Variants in DHTKD1 observed in about 807,000 individuals in gnomAD.
DHTKD1 encodes dehydrogenase E1 and transketolase domain containing 1, also known as 2-oxoadipate dehydrogenase complex component E1.
DHTKD1 carries 78 observed loss-of-function variants against 101.8 expected under a neutral mutation model. That is an observed-to-expected ratio of 0.77 (90% CI 0.64 to 0.93). The LOEUF (loss-of-function observed/expected upper bound fraction) is 0.93, where lower values mean the gene tolerates loss of function less well. Among genes scored for constraint, DHTKD1 ranks in the 40% least tolerant of loss-of-function variants. DHTKD1 has a pLI of 0.00. For synonymous variants in DHTKD1, 462 were observed against 450.3 expected, an observed-to-expected ratio of 1.03 and a Z score of -0.33; for missense variants, 1,223 against 1,161.7, an observed-to-expected ratio of 1.05 and a Z score of -0.77.
In DHTKD1 at chr10:12,120,597, A is replaced by G. The variant is rs370228426; in HGVS notation, c.2659-190A>G. ...GTGATCCGCCCACCTCGGCCTCCCA[A>G]AGCGCTGGGATTACAGGCATTGAGG... On this transcript the variant is annotated intron_variant, in intron 16 of 16. Coordinates refer to ENST00000263035, the MANE Select transcript of DHTKD1 (RefSeq NM_018706.7). Among the ~76,000 whole-genome samples the G allele has an allele frequency of 8.6e-5, 13 of 151,938 alleles. No homozygotes were observed. The South Asian group carries it at 1.7e-3, about 19-fold the overall frequency.
At chr10:12,115,887 A>T (rs1258136378) in intron 13 of DHTKD1, among the ~76,000 whole-genome samples, 1 of 150,736 alleles carries the variant, frequency 6.6e-6, no homozygotes, top group African/African-American at 2.4e-5. Context: ...TCAGCCTCCG[A>T]CGTAGCTGGG....
At chr10:12,115,391 C>T (rs968915115) in intron 13 of DHTKD1, among the ~76,000 whole-genome samples, 1 of 152,178 alleles carries the variant, frequency 6.6e-6, no homozygotes, top group Non-Finnish European at 1.5e-5. Context: ...GCCACTATGC[C>T]TGGCCTCGTT....
intron 10 of DHTKD1, 112 bp downstream of exon 10, chr10:12,101,293 A>G: frequency 8.3e-7 from 1 of 1,209,986 alleles, no homozygotes; most frequent in South Asian, 1.6e-5. Flanking sequence ...TACTTTTGGA[A>G]GTAAAGGAGT....
rs1046346356 is a variant in DHTKD1 at position 12,101,076 on chromosome 10, T to C, written c.1791T>C (p.Gly597=). The C allele has an allele frequency of 6.2e-7, 1 of 1,614,118 alleles. No homozygotes were observed. The highest frequency in any genetic ancestry group is 8.5e-7 in the Non-Finnish European group (1 of 1,180,006). ...TTCGTCTAAGTGGCCAAGATGTTGGTCGTGGAACTTTCAGTCAGAGGCATG... is the reference window on the plus strand; with the variant it reads ...TTCGTCTAAGTGGCCAAGATGTTGGCCGTGGAACTTTCAGTCAGAGGCATG... ...FNVRLSGQDV[G]RGTFSQRHAI... Residue 597 remains glycine, a synonymous_variant, in exon 10 of 17, where the codon GGT becomes GGC. Coordinates refer to ENST00000263035, the MANE Select transcript of DHTKD1 (RefSeq NM_018706.7).
intron 6 of DHTKD1, among the ~76,000 whole-genome samples, chr10:12,093,630 TTA>T (rs1232418526): frequency 6.6e-6 from 1 of 152,196 alleles, no homozygotes; most frequent in Non-Finnish European, 1.5e-5. Flanking sequence ...TGTGAATCCT[TTA>T]TGATTAGTCT....
rs1408162330 is a variant in DHTKD1 at position 12,107,450 on chromosome 10, C to G, written c.2048-459C>G. On this transcript the variant is annotated intron_variant, in intron 11 of 16. Coordinates refer to ENST00000263035, the MANE Select transcript of DHTKD1 (RefSeq NM_018706.7). The surrounding 1 kb of genome is among the most constrained non-coding windows in gnomAD (Gnocchi z 4.1). The stretch of plus-strand genomic sequence containing the variant: ...CTTTCTTTTTTGAGACGGTGTCTCA[C>G]TCTGTCCCTCAGGCTGGTGTGCAGT... Among the ~76,000 whole-genome samples the G allele has an allele frequency of 1.3e-5, 2 of 152,116 alleles. No homozygotes were observed. Among genetic ancestry groups the G allele is most frequent in the Non-Finnish European group, 2.9e-5 (2 of 68,020 alleles).
In DHTKD1 at chr10:12,120,778, C is replaced by A; in HGVS notation, c.2659-9C>A. On this transcript the variant is annotated splice_polypyrimidine_tract_variant and intron_variant, in intron 16 of 16. Transcript: ENST00000263035. ...ATGTCATTTTATTTCTTCTCTGCTG[C>A]ACTTATAGCTCCGTCTGGTGGGCCG... The A allele has an allele frequency of 3.1e-6, 5 of 1,611,814 alleles. No individual in the cohort carries two copies. Among genetic ancestry groups the A allele is most frequent in the East Asian group, 2.2e-5 (1 of 44,872 alleles).
chr10:12,083,473 G>A (rs1054609824), intron 2 of DHTKD1, among the ~76,000 whole-genome samples: 1 of 152,182 alleles, frequency 6.6e-6, no homozygotes, highest in Admixed American at 6.5e-5. Flanking sequence ...GGTGGCTTAT[G>A]CCTGTAATCT....
At chr10:12,100,707 C>T (rs1833156331) in intron 9 of DHTKD1, among the ~76,000 whole-genome samples, 1 of 152,066 alleles carries the variant, frequency 6.6e-6, no homozygotes, top group Non-Finnish European at 1.5e-5. Flanking sequence ...TTTTTCTTTC[C>T]TGACAATATT....
In DHTKD1 at chr10:12,103,527, G is replaced by A. The variant is rs1289587637; in HGVS notation, c.1896+2346G>A. Among the ~76,000 whole-genome samples the A allele has an allele frequency of 1.4e-5, 2 of 145,298 alleles. No individual in the cohort carries two copies. The highest frequency in any genetic ancestry group is 5.1e-5 in the African/African-American group (2 of 39,198). On this transcript the variant is annotated intron_variant, in intron 10 of 16. Coordinates refer to ENST00000263035, the MANE Select transcript of DHTKD1 (RefSeq NM_018706.7). This position sits in a 1 kb window ranked among gnomAD's most constrained non-coding sequence, Gnocchi z 4.8. ...TGTGTGTGTGTGTGTGTGTGTGTGT[G>A]TATGTATGTGACAGGTCCTCCTCTG...
chr10:12,072,137 A>C (rs960286929), intron 1 of DHTKD1, among the ~76,000 whole-genome samples: 3 of 152,108 alleles, frequency 2.0e-5, no homozygotes, highest in Non-Finnish European at 4.4e-5. Context: ...GGATGACCAC[A>C]TCATTCACTA....
chr10:12,105,300 C>T (rs1177328603), intron 10 of DHTKD1, among the ~76,000 whole-genome samples: 1 of 151,690 alleles, frequency 6.6e-6, no homozygotes, highest in Non-Finnish European at 1.5e-5. Context: ...TTTAACTTTC[C>T]TCACTTTGTT....
rs1018839160 is a variant in DHTKD1, at chr10:12,110,864, C to G, written c.2155-2036C>G. On this transcript the variant is annotated intron_variant, in intron 12 of 16. Transcript: ENST00000263035. The surrounding 1 kb of genome is among the most constrained non-coding windows in gnomAD (Gnocchi z 4.9). Reference sequence around the variant, plus strand: ...ACCAGCCTGGGCAACATGGTGAGACCCCATTTCTGCTAAAAATAAAACTAA... The same window carrying G: ...ACCAGCCTGGGCAACATGGTGAGACGCCATTTCTGCTAAAAATAAAACTAA... 6.6e-6 allele frequency among the ~76,000 whole-genome samples: 1 copy of G among 151,542 alleles called. No homozygotes were observed. Among genetic ancestry groups the G allele is most frequent in the African/African-American group, 2.4e-5 (1 of 41,294 alleles).
chr10:12,081,273 C>A (rs1213984889), intron 1 of DHTKD1, among the ~76,000 whole-genome samples, 199 bp from the exon 2 acceptor site: 10 of 70,898 alleles, frequency 1.4e-4, no homozygotes, highest in African/African-American at 4.4e-4. Context: ...GACTCCATCT[C>A]AAAAAAAAAA....
At position 12,072,264 on chromosome 10, in the gene DHTKD1, C is replaced by G. The variant is rs540157156; in HGVS notation, c.154+3077C>G. Among the ~76,000 whole-genome samples the G allele has an allele frequency of 2.6e-5, 4 of 152,236 alleles. No individual in the cohort carries two copies. In the South Asian group the frequency reaches 8.3e-4, roughly 32 times the overall value. On this transcript the variant is annotated intron_variant, in intron 1 of 16. Transcript: ENST00000263035. ...GGAAGATCACTTGAGGCCAGAAGTT[C>G]CAGGCCAGCCTGGCTGACATGGTGA...
chr10:12,069,021 A>T lies in DHTKD1; in HGVS notation c.-13A>T. 3 of 1,612,980 alleles carry T rather than the reference A, an allele frequency of 1.9e-6. No individual in the cohort carries two copies. Among genetic ancestry groups the T allele is most frequent in the Non-Finnish European group, 2.5e-6 (3 of 1,179,554 alleles). On this transcript the variant is annotated 5_prime_UTR_variant, in exon 1 of 17. Coordinates refer to ENST00000263035, the MANE Select transcript of DHTKD1 (RefSeq NM_018706.7). ...CTCCCGCCTTAGCATGCTGGCCGGG[A>T]CATCTGGTGAACATGGCCTCTGCTA...
chr10:12,074,610 G>A (rs1279270220), intron 1 of DHTKD1, among the ~76,000 whole-genome samples: 3 of 150,748 alleles, frequency 2.0e-5, no homozygotes, highest in Non-Finnish European at 4.4e-5. Flanking sequence ...CACCCTCCTC[G>A]GCCTCCCAAA....
chr10:12,097,765 A>G lies in DHTKD1; in HGVS notation c.1440A>G (p.Ile480Met), dbSNP rs776220059. The G allele has an allele frequency of 6.2e-7, 1 of 1,614,222 alleles. No individual in the cohort carries two copies. Among genetic ancestry groups the G allele is most frequent in the East Asian group, 2.2e-5 (1 of 44,890 alleles). ...TGACGCAGGAGGAGGTGTCTGAAAT[A>G]AAATCCTCCTACTATGCCAAGTTGA... ...GLMTQEEVSEIKSSYYAKLND... is the reference protein window; with the variant it reads ...GLMTQEEVSEMKSSYYAKLND... Residue 480 changes from isoleucine (I) to methionine (M), a missense_variant, in exon 8 of 17, where the codon ATA becomes ATG. Transcript: ENST00000263035.
intron 13 of DHTKD1, 41 bp from the exon 14 acceptor site, chr10:12,117,632 T>C (rs1433134979): frequency 8.2e-7 from 1 of 1,213,892 alleles, no homozygotes; most frequent in South Asian, 1.3e-5. Context: ...CATCACCTCT[T>C]TCTGTTGCTT....
Sources: allele counts gnomAD v4.1 joint callset (sites outside exome capture counted in the v4.1 genomes callset), GRCh38; gene constraint gnomAD v4.1.1; non-coding constraint Gnocchi (gnomAD v3.1); transcripts MANE v1.5; gene names NCBI Gene and HGNC (gene_info 2026-07-23, HGNC 2026-07-21).